Variants in HR observed in about 807,000 individuals in gnomAD.
The protein encoded by HR is lysine-specific demethylase hairless.
HR carries 83 observed loss-of-function variants against 128.6 expected under a neutral mutation model. That is an observed-to-expected ratio of 0.65 (90% CI 0.54 to 0.77). The LOEUF is 0.77. Among genes scored for constraint, HR ranks in the 30% least tolerant of loss-of-function variants. HR has a pLI of 0.00. For synonymous variants in HR, 681 were observed against 658.2 expected (o/e 1.03, Z -0.53); for missense variants, 1,490 against 1,574.6 (o/e 0.95, Z 0.91).
Position 22,115,068 on chromosome 8 carries a change from T to G in HR, c.*632A>C. 6.3e-6 allele frequency: 1 copy of G among 159,196 alleles called. No individual in the cohort carries two copies. Among genetic ancestry groups the G allele is most frequent in the Non-Finnish European group, 1.4e-5 (1 of 72,506 alleles). 9.9% of individuals were successfully genotyped at this position (159,196 alleles called of 1,614,324 possible). A position where few individuals can be genotyped will look rare whatever the true frequency, so the allele number is the denominator to read the frequency against. On this transcript the variant is annotated 3_prime_UTR_variant, in exon 19 of 19. Coordinates refer to ENST00000381418, the MANE Select transcript of HR (RefSeq NM_005144.5). Reference sequence around the variant, plus strand: ...GCAGGGCCAACCACACTGGCAGCAGTCACAAAACAACAGACTTTAATGGAA... The same window carrying G: ...GCAGGGCCAACCACACTGGCAGCAGGCACAAAACAACAGACTTTAATGGAA...
At chr8:22,124,790 A>G (rs945606168) in intron 5 of HR, among the ~76,000 whole-genome samples, 2 of 152,052 alleles carry the variant, frequency 1.3e-5, no homozygotes, top group African/African-American at 2.4e-5. Flanking sequence ...CCGGGAAGGG[A>G]AGGATGGATG....
Position 22,115,651 on chromosome 8 carries a change from G to T in HR, c.*49C>A. ...CCTGCTGAAGTTGTGCCTGGGCTGA[G>T]CACCTGGTCTACCTGTCCCCACCCC... On this transcript the variant is annotated 3_prime_UTR_variant, in exon 19 of 19. Coordinates refer to ENST00000381418, the MANE Select transcript of HR (RefSeq NM_005144.5). 6.5e-7 allele frequency: 1 copy of T among 1,546,066 alleles called. No homozygotes were observed. The highest frequency in any genetic ancestry group is 1.4e-5 in the African/African-American group (1 of 73,656).
At chr8:22,115,868 C>T in intron 18 of HR, 106 bp from the exon 19 acceptor site, 1 of 1,112,222 alleles carries the variant, frequency 9.0e-7, no homozygotes, top group Non-Finnish European at 1.3e-6. Flanking sequence ...CGGTGGCTCA[C>T]ACCTGTAATC....
At position 22,120,498 on chromosome 8, in the gene HR, C is replaced by T. The variant is rs1271916695; in HGVS notation, c.2620G>A (p.Val874Met). 6.2e-7 allele frequency: 1 copy of T among 1,613,858 alleles called. No individual in the cohort carries two copies. Among genetic ancestry groups the T allele is most frequent in the Admixed American group, 1.7e-5 (1 of 60,034 alleles). Residue 874 changes from valine to methionine, a missense_variant, in exon 12 of 19, where the codon GTG (valine) becomes ATG (methionine). Coordinates refer to ENST00000381418, the MANE Select transcript of HR (RefSeq NM_005144.5). ...TGCAATGTCCTTTGGATCCCTGACA[C>T]CAACACAGGCTGTGGTGGGAAAGGA... is the stretch of plus-strand genomic sequence containing the variant. ...EHWRQGQPVL[V>M]SGIQRTLQGN...
chr8:22,127,745 A>C lies in HR; in HGVS notation c.697T>G (p.Ser233Ala), dbSNP rs768489672. ...CCGGCTCTCTGCAGGTGCCCACCAGAGTTTAAGCCAAACAACCCAGGTTCC... is the reference window on the plus strand; with the variant it reads ...CCGGCTCTCTGCAGGTGCCCACCAGCGTTTAAGCCAAACAACCCAGGTTCC... The part of the protein sequence containing the change: ...AAEPGLFGLN[S>A]GGHLQRAGEA... The change falls in exon 3 of 19, where the codon TCT becomes GCT. Residue 233 changes from serine (S) to alanine (A), a missense_variant. Physicochemically the swap from Ser to Ala is moderately conservative, Grantham distance 99 (BLOSUM62 1). Around this residue, in one of 3 missense-constraint regions of HR, gnomAD observed 1,060 missense variants for 1,060.9 expected, o/e 1.00. Coordinates refer to ENST00000381418, the MANE Select transcript of HR (RefSeq NM_005144.5). The C allele has an allele frequency of 2.3e-5, 37 of 1,603,634 alleles. No homozygotes were observed. Among genetic ancestry groups the C allele is most frequent in the Non-Finnish European group, 3.1e-5 (37 of 1,179,988 alleles).
chr8:22,121,787 T>C (rs1201608725), intron 8 of HR, 93 bp from the exon 9 acceptor site: 1 of 1,260,796 alleles, frequency 7.9e-7, no homozygotes, highest in Non-Finnish European at 1.1e-6. Flanking sequence ...AACAATGGAC[T>C]CTTGTCAGTC....
intron 14 of HR, 64 bp from the exon 15 acceptor site, chr8:22,119,347 G>T (rs528048561): frequency 1.2e-6 from 2 of 1,606,190 alleles, no homozygotes; most frequent in African/African-American, 2.7e-5. Context: ...GGTTGCTCAC[G>T]CCTGTAATCC....
chr8:22,121,803 A>G, intron 8 of HR, 109 bp from the exon 9 acceptor site: 3 of 1,164,684 alleles, frequency 2.6e-6, no homozygotes, highest in South Asian at 1.3e-5. Context: ...CAGTCCTAAA[A>G]TCGTGTTTAT....
Position 22,125,310 on chromosome 8 carries a change from C to T in HR, c.1750+1G>A. ...ACGCAGACCCAGGAGGTCCTGTTCA[C>T]CTTCCCGCTGGGCCCAAGCCAGGGC... On this transcript the variant is annotated splice_donor_variant, in intron 5 of 18. Coordinates refer to ENST00000381418, the MANE Select transcript of HR (RefSeq NM_005144.5). LOFTEE classifies it high-confidence loss of function. 3 of 1,568,466 alleles carry T rather than the reference C, an allele frequency of 1.9e-6. No individual in the cohort carries two copies. Among genetic ancestry groups the T allele is most frequent in the Non-Finnish European group, 2.6e-6 (3 of 1,157,264 alleles).
rs752270104 is a variant in HR, at chr8:22,128,665, G to A, written c.506C>T (p.Ser169Phe). 3 of 1,588,586 alleles carry A rather than the reference G, an allele frequency of 1.9e-6. No individual in the cohort carries two copies. The South Asian group carries it at 3.4e-5, about 18-fold the overall frequency. The change falls in exon 2 of 19, where the codon TCT becomes TTT. Residue 169 changes from serine to phenylalanine, a missense_variant. Ser to Phe is a radical substitution (Grantham distance 155). Transcript: ENST00000381418. ...ACATGGATGCTCTGGGGGCAGGCCA[G>A]ACACTAGGTAGGGTGGCAAGCAGGT... ...VPTCLPPYLV[S>F]GLPPEHPCDW...
Position 22,115,376 on chromosome 8 carries a change from C to A in HR, c.*324G>T. 1 of 501,034 alleles carries A rather than the reference C, an allele frequency of 2.0e-6. No homozygotes were observed. The highest frequency in any genetic ancestry group is 3.3e-5 in the Admixed American group (1 of 30,676). 31.0% of individuals were successfully genotyped at this position (501,034 alleles called of 1,614,324 possible). On this transcript the variant is annotated 3_prime_UTR_variant, in exon 19 of 19. Transcript: ENST00000381418. ...AGCCAGAATGATTCCCAAGTTTCCC[C>A]AAGGAAGGGCTGTTTGTCTCCTGGG... is the stretch of plus-strand genomic sequence containing the variant.
At position 22,116,286 on chromosome 8, in the gene HR, C is replaced by G. The variant is rs781686563; in HGVS notation, c.3507+14G>C. The G allele has an allele frequency of 7.4e-6, 12 of 1,611,670 alleles. No homozygotes were observed. The highest frequency in any genetic ancestry group is 1.0e-5 in the Non-Finnish European group (12 of 1,179,778). On this transcript the variant is annotated intron_variant, in intron 18 of 18. Coordinates refer to ENST00000381418, the MANE Select transcript of HR (RefSeq NM_005144.5). The surrounding 1 kb of genome is among the most constrained non-coding windows in gnomAD (Gnocchi z 4.2). ...GGGTAGCACACCCAGCCTGCTGGCCCACATCCCACTCACCTGGGCATAAAG... is the reference window on the plus strand; with the variant it reads ...GGGTAGCACACCCAGCCTGCTGGCCGACATCCCACTCACCTGGGCATAAAG...
chr8:22,121,065 A>C lies in HR; in HGVS notation c.2367T>G (p.Ser789Arg). 1.2e-6 allele frequency: 2 copies of C among 1,613,454 alleles called. No homozygotes were observed. Residue 789 changes from serine (S) to arginine (R), a missense_variant and splice_region_variant, in exon 10 of 19, where the codon AGT becomes AGG. This residue lies in a region of HR where 1,060 missense variants were observed against 1,060.9 expected (regional missense o/e 1.00). Coordinates refer to ENST00000381418, the MANE Select transcript of HR (RefSeq NM_005144.5). The stretch of plus-strand genomic sequence containing the variant: ...GCCCTCCCTCCGTGCCCTCACTCAC[A>C]CTGGGCAGGGCCGGAGTGACGGGGG... ...AFAPVTPALP[S>R]DDRITNILDS...
intron 6 of HR, 32 bp downstream of exon 6, chr8:22,123,617 T>TTGGGGGGCC: frequency 2.4e-4 from 70 of 292,060 alleles, no homozygotes; most frequent in Non-Finnish European, 3.8e-4. Flanking sequence ...GAGGGCTCCA[T>TTGGGGGGCC]CCCGCCCTCC....
At chr8:22,120,000 G>A (rs1050771442) in intron 13 of HR, 104 bp downstream of exon 13, 10 of 1,585,948 alleles carry the variant, frequency 6.3e-6, no homozygotes, top group African/African-American at 4.0e-5. Context: ...GAGAGTACCA[G>A]GGACCACGGG....
intron 9 of HR, 90 bp downstream of exon 9, chr8:22,121,523 C>T: frequency 1.4e-6 from 2 of 1,382,196 alleles, no homozygotes; most frequent in Non-Finnish European, 2.1e-6. Flanking sequence ...TGCTAAAGTC[C>T]CCGGAGACTT....
chr8:22,126,795 CTA>C (rs746259067), intron 3 of HR, among the ~76,000 whole-genome samples: 2 of 152,208 alleles, frequency 1.3e-5, no homozygotes, highest in African/African-American at 4.8e-5. Flanking sequence ...ATGCTCTGAA[CTA>C]TGTCATTATA....
chr8:22,116,726 T>TC lies in HR; in HGVS notation c.3378+148dup, dbSNP rs1826596785. On this transcript the variant is annotated intron_variant, in intron 17 of 18. Transcript: ENST00000381418. The surrounding 1 kb of genome is among the most constrained non-coding windows in gnomAD (Gnocchi z 4.2). ...CTCAGTGACTTCAAGGCCTCTTGGCTCCCCCGTTATCTCTTCCCCACAGCA... is the reference window on the plus strand; with the variant it reads ...CTCAGTGACTTCAAGGCCTCTTGGCTCCCCCCGTTATCTCTTCCCCACAGCA... 1 of 1,194,214 alleles carries TC rather than the reference T, an allele frequency of 8.4e-7. No individual in the cohort carries two copies. Among genetic ancestry groups the TC allele is most frequent in the Admixed American group, 2.0e-5 (1 of 50,564 alleles). 74.0% of individuals were successfully genotyped at this position (1,194,214 alleles called of 1,614,324 possible).
chr8:22,119,174 C>T lies in HR; in HGVS notation c.3087G>A (p.Arg1029=), dbSNP rs757418570. The change falls in exon 15 of 19, where the codon CGG becomes CGA. Residue 1029 remains arginine, a synonymous_variant. Coordinates refer to ENST00000381418, the MANE Select transcript of HR (RefSeq NM_005144.5). ...TGGCCGAGGACCTACCTTTCTGTGC[C>T]CGGTGCCAGGCAGGCAGTGGTGTGT... The part of the protein sequence containing the change: ...HADTPLPAWH[R]AQKDFLSGLD... 1 of 1,613,718 alleles carries T rather than the reference C, an allele frequency of 6.2e-7. No homozygotes were observed. Among genetic ancestry groups the T allele is most frequent in the South Asian group, 1.1e-5 (1 of 91,088 alleles).
Sources: allele counts gnomAD v4.1 joint callset (sites outside exome capture counted in the v4.1 genomes callset), GRCh38; gene constraint gnomAD v4.1.1; regional missense constraint gnomAD v4.1.1; non-coding constraint Gnocchi (gnomAD v3.1); transcripts MANE v1.5; gene names NCBI Gene and HGNC (gene_info 2026-07-23, HGNC 2026-07-21).